TMEM232: variants seen among roughly 807,000 people sequenced by gnomAD.
The protein encoded by TMEM232 is transmembrane protein 232.
TMEM232 carries 80 observed loss-of-function variants against 78.8 expected under a neutral mutation model. That is an observed-to-expected ratio of 1.01 (90% CI 0.85 to 1.22). The LOEUF is 1.22. TMEM232 is among the 50% of genes most tolerant of loss of function. The pLI is 0.00. For synonymous variants in TMEM232, 297 were observed against 254.3 expected, an observed-to-expected ratio of 1.17 and a Z score of -1.60; for missense variants, 881 against 742.2, an observed-to-expected ratio of 1.19 and a Z score of -2.17.
upstream of TMEM232, among the ~76,000 whole-genome samples, chr5:110,731,356 C>G (rs892869528): frequency 6.6e-6 from 1 of 152,170 alleles, no homozygotes; most frequent in African/African-American, 2.4e-5. Flanking sequence ...TCTCATAGCT[C>G]CAATAGTCAG....
At chr5:110,452,518 A>G (rs1168005690) in intron 12 of TMEM232, among the ~76,000 whole-genome samples, 1 of 138,928 alleles carries the variant, frequency 7.2e-6, no homozygotes, top group South Asian at 2.3e-4. Flanking sequence ...AGATCAATTT[A>G]GGCAATGATG....
At chr5:110,709,750 A>G (rs974762923) in intron 1 of TMEM232, among the ~76,000 whole-genome samples, 3 of 152,074 alleles carry the variant, frequency 2.0e-5, no homozygotes, top group African/African-American at 7.2e-5. Flanking sequence ...TAAGAGGAGA[A>G]TTTATTGCTA....
In TMEM232 at chr5:110,640,977, G is replaced by A; in HGVS notation, c.257C>T (p.Thr86Ile). ...LRCKRKLGLK[T>I]LGSGRHVHLP... ...ATGCACATGCCTTCCAGAGCCCAGG[G>A]TTTTGAGACCCAATTTTCTCTGTTA... Residue 86 changes from threonine (T) to isoleucine (I), a missense_variant, in exon 4 of 14, where the codon ACC (threonine) becomes ATC (isoleucine). Thr to Ile is a moderately conservative substitution (Grantham distance 89, BLOSUM62 -1). Coordinates refer to ENST00000455884, the MANE Select transcript of TMEM232 (RefSeq NM_001039763.4). 1 of 1,530,012 alleles carries A rather than the reference G, an allele frequency of 6.5e-7. No homozygotes were observed. Among genetic ancestry groups the A allele is most frequent in the Non-Finnish European group, 8.8e-7 (1 of 1,137,278 alleles). The allele number at this position is 1,530,012 out of a possible 1,614,324, so 94.8% of individuals were successfully genotyped here.
intron 12 of TMEM232, among the ~76,000 whole-genome samples, chr5:110,459,652 C>T (rs1230521283): frequency 2.0e-5 from 3 of 152,038 alleles, no homozygotes; most frequent in Admixed American, 6.6e-5. Flanking sequence ...AGTGGGTAAA[C>T]GTTTAATGGG....
At chr5:110,584,742 TCTGAAGCATGCTG>T (rs1778610034) in intron 10 of TMEM232, among the ~76,000 whole-genome samples, 1 of 152,082 alleles carries the variant, frequency 6.6e-6, no homozygotes, top group Non-Finnish European at 1.5e-5. Flanking sequence ...GAAAAAACAT[TCTGAAGCATGCTG>T]AAGGATCTTA....
chr5:110,580,435 A>G (rs921737241), intron 10 of TMEM232, among the ~76,000 whole-genome samples: 3 of 151,712 alleles, frequency 2.0e-5, no homozygotes, highest in East Asian at 1.9e-4. Flanking sequence ...CTAGGTATTT[A>G]GTAGGCTATA....
intron 3 of TMEM232, among the ~76,000 whole-genome samples, chr5:110,391,347 G>GAGAGAGAGAGAGAGAGAGAGA (rs752486137): frequency 6.6e-6 from 1 of 150,492 alleles, no homozygotes; most frequent in Admixed American, 6.6e-5. Flanking sequence ...GAGAGAGAGA[G>GAGAGAGAGAGAGAGAGAGAGA]AAACCTCTGT....
chr5:110,576,885 C>T (rs760707499), intron 10 of TMEM232, among the ~76,000 whole-genome samples: 11 of 151,918 alleles, frequency 7.2e-5, no homozygotes, highest in Admixed American at 2.6e-4. Context: ...AAAATTCACT[C>T]GATATCAATT....
Position 110,605,327 on chromosome 5 carries a change from C to T in TMEM232, c.1058G>A (p.Trp353Ter). The T allele has an allele frequency of 6.5e-7, 1 of 1,544,712 alleles. No homozygotes were observed. The highest frequency in any genetic ancestry group is 8.7e-7 in the Non-Finnish European group (1 of 1,144,076). ...EESCKVDDFSWAWNVVYIYTV... is the reference protein window; with the variant it reads ...EESCKVDDFS ...ATATATGTAGACTACATTCCAGGCC[C>T]AGGAAAAATCATCTACCTTGCAACT... The change falls in exon 10 of 14, where the codon TGG (tryptophan) becomes TAG (stop). Residue 353 changes from tryptophan (W) to a stop codon, truncating the protein, a stop_gained. Transcript: ENST00000455884. LOFTEE classifies it high-confidence loss of function.
intron 12 of TMEM232, among the ~76,000 whole-genome samples, chr5:110,509,903 A>G (rs960321968): frequency 3.9e-5 from 6 of 152,164 alleles, no homozygotes; most frequent in Non-Finnish European, 5.9e-5. Flanking sequence ...AAGCATTACT[A>G]TATCATATTT....
At chr5:110,661,462 A>G (rs2150105195) in intron 2 of TMEM232, among the ~76,000 whole-genome samples, 1 of 152,092 alleles carries the variant, frequency 6.6e-6, no homozygotes, top group African/African-American at 2.4e-5. Context: ...ACAGGTGTAC[A>G]CCACCATGCC....
At chr5:110,654,183 T>C (rs1293637248) in intron 2 of TMEM232, among the ~76,000 whole-genome samples, 2 of 152,180 alleles carry the variant, frequency 1.3e-5, no homozygotes, top group African/African-American at 4.8e-5. Flanking sequence ...TATGACTTCA[T>C]GCCCCCTGGC....
intron 2 of TMEM232, among the ~76,000 whole-genome samples, chr5:110,406,821 C>T (rs1476936374): frequency 6.6e-6 from 1 of 152,048 alleles, no homozygotes; most frequent in Non-Finnish European, 1.5e-5. Context: ...ATTGAGAAAA[C>T]TGAAAATCAA....
At chr5:110,515,384 C>T (rs1768457298) in intron 12 of TMEM232, among the ~76,000 whole-genome samples, 1 of 152,180 alleles carries the variant, frequency 6.6e-6, no homozygotes, top group Non-Finnish European at 1.5e-5. Context: ...CTTAAGGCCT[C>T]CAGGTTCTGG....
At chr5:110,668,572 C>T (rs970599188) in intron 1 of TMEM232, among the ~76,000 whole-genome samples, 8 of 152,108 alleles carry the variant, frequency 5.3e-5, no homozygotes, top group African/African-American at 1.9e-4. Context: ...TTGTCTATTG[C>T]TATTGATGTA....
intron 12 of TMEM232, among the ~76,000 whole-genome samples, chr5:110,430,443 G>A (rs1436264016): frequency 6.6e-6 from 1 of 151,238 alleles, no homozygotes; most frequent in Non-Finnish European, 1.5e-5. Context: ...TACTTGAAAG[G>A]AAAATAAATT....
chr5:110,696,897 C>T (rs1433397232), intron 1 of TMEM232, among the ~76,000 whole-genome samples: 3 of 152,074 alleles, frequency 2.0e-5, no homozygotes, highest in Non-Finnish European at 4.4e-5. Flanking sequence ...GATTCAATGC[C>T]ATCCCCATCA....
intron 4 of TMEM232, among the ~76,000 whole-genome samples, chr5:110,639,312 G>C (rs561691271): frequency 1.6e-4 from 24 of 152,232 alleles, no homozygotes; most frequent in Non-Finnish European, 2.5e-4. Flanking sequence ...AGAGTAAGAA[G>C]TCATATTGAG....
At chr5:110,388,605 G>A (rs1284320828) in intron 4 of TMEM232, among the ~76,000 whole-genome samples, 1 of 152,120 alleles carries the variant, frequency 6.6e-6, no homozygotes, top group Non-Finnish European at 1.5e-5. Context: ...CTATGCATAT[G>A]GGCAAGAGTT....
Sources: gnomAD v4.1 joint callset for allele counts (sites outside exome capture counted in the v4.1 genomes callset) on GRCh38, gnomAD v4.1.1 for gene constraint, MANE v1.5 for transcripts, NCBI Gene and HGNC (gene_info 2026-07-23, HGNC 2026-07-21) for gene names.